Variants in LAMA1 observed in about 807,000 individuals in gnomAD.
LAMA1 encodes laminin subunit alpha-1.
Under a neutral mutation model 348.7 loss-of-function variants are expected in LAMA1, and 219 were observed. That is an observed-to-expected ratio of 0.63 (90% confidence interval 0.56 to 0.70). LAMA1 has a LOEUF of 0.70. Ranked by LOEUF, LAMA1 falls within the 30% of genes least tolerant of loss-of-function variation. The probability of loss-of-function intolerance (pLI) is 0.00; values close to 1 mark genes in which losing one functional copy is unlikely to be tolerated. For synonymous variants in LAMA1, 1,487 were observed against 1,491.0 expected (o/e 1.00, Z 0.06); for missense variants, 3,744 against 3,888.0 (o/e 0.96, Z 0.99).
intron 8 of LAMA1, chr18:7,042,508 C>G: frequency 2.4e-6 from 1 of 410,458 alleles, no homozygotes; most frequent in South Asian, 2.2e-5. Context: ...CAGCCCCCCT[C>G]GCGCTGCTGT....
chr18:7,069,662 G>A (rs1006754112), intron 3 of LAMA1, among the ~76,000 whole-genome samples: 11 of 152,084 alleles, frequency 7.2e-5, no homozygotes, highest in African/African-American at 9.7e-5. Context: ...CCTTAAAGTC[G>A]CCATGCTGTG....
At chr18:7,024,554 G>A in intron 17 of LAMA1, 88 bp from the exon 18 acceptor site, 1 of 1,080,324 alleles carries the variant, frequency 9.3e-7, no homozygotes, top group South Asian at 1.3e-5. Context: ...TACTACTCCT[G>A]TGCTTCCAGA....
In LAMA1 at chr18:7,007,269, G is replaced by T; in HGVS notation, c.4130C>A (p.Ala1377Asp). The change falls in exon 29 of 63, where the codon GCC becomes GAC. Residue 1377 changes from alanine (A) to aspartate (D), a missense_variant. By Grantham distance (126) the Ala-to-Asp change is moderately radical (BLOSUM62 -2). This residue lies in a region of LAMA1 where 1,983 missense variants were observed against 1,934.3 expected (regional missense o/e 1.03). Transcript: ENST00000389658. ...GAGCTTCCCTCTGTGGTACCCAGGG[G>T]CGCAGTCCTGAGGGGGTGCAAAAGG... is the stretch of plus-strand genomic sequence containing the variant. ...GTVGFSCQDC[A>D]PGYHRGKLPA... The T allele has an allele frequency of 1.2e-6, 2 of 1,613,938 alleles. No individual in the cohort carries two copies. Among genetic ancestry groups the T allele is most frequent in the Non-Finnish European group, 1.7e-6 (2 of 1,179,948 alleles).
intron 3 of LAMA1, among the ~76,000 whole-genome samples, chr18:7,056,135 C>T (rs868478108): frequency 2.2e-4 from 33 of 151,652 alleles, no homozygotes; most frequent in South Asian, 1.9e-3. Flanking sequence ...AGGAGGACAA[C>T]GGAGAACATC....
intron 3 of LAMA1, among the ~76,000 whole-genome samples, chr18:7,060,088 T>C (rs2143744962): frequency 6.6e-6 from 1 of 152,318 alleles, no homozygotes; most frequent in Admixed American, 6.5e-5. Context: ...ACTTAGTCAA[T>C]TATCAGCACG....
At chr18:7,001,690 T>C (rs982038689) in intron 30 of LAMA1, among the ~76,000 whole-genome samples, 2 of 152,236 alleles carry the variant, frequency 1.3e-5, no homozygotes, top group African/African-American at 4.8e-5. Context: ...ATATTATTGA[T>C]GAGTTATAAT....
Position 7,032,982 on chromosome 18 carries a change from A to T in LAMA1, c.2163+2T>A. ...AAAAAGACAGGAAGAGAGAAGCGTC[A>T]CCTCACAGGAGGTCCCTGTGTAGCC... On this transcript the variant is annotated splice_donor_variant, in intron 15 of 62. Transcript: ENST00000389658. LOFTEE classifies it high-confidence loss of function. The T allele has an allele frequency of 1.3e-6, 2 of 1,599,446 alleles. No individual in the cohort carries two copies. Among genetic ancestry groups the T allele is most frequent in the East Asian group, 4.5e-5 (2 of 44,416 alleles).
At chr18:7,043,007 G>A in intron 8 of LAMA1, 1 of 576,760 alleles carries the variant, frequency 1.7e-6, no homozygotes, top group African/African-American at 1.9e-5. Flanking sequence ...CATAGCTAAT[G>A]GACCCCTGAA....
intron 3 of LAMA1, among the ~76,000 whole-genome samples, chr18:7,070,584 G>T (rs953996639): frequency 6.6e-6 from 1 of 152,096 alleles, no homozygotes; most frequent in Non-Finnish European, 1.5e-5. Flanking sequence ...AATTAATGAG[G>T]TTTTACAAAA....
chr18:7,038,420 C>T (rs1232385014), intron 11 of LAMA1, among the ~76,000 whole-genome samples: 1 of 152,188 alleles, frequency 6.6e-6, no homozygotes, highest in Non-Finnish European at 1.5e-5. Context: ...CACTGGAGGG[C>T]CTCCTACTCC....
intron 28 of LAMA1, among the ~76,000 whole-genome samples, chr18:7,007,756 C>T (rs933997594): frequency 8.9e-5 from 13 of 146,794 alleles, no homozygotes; most frequent in Admixed American, 3.4e-4. Flanking sequence ...GACAGATTAA[C>T]GAATAAGCAA....
At chr18:7,034,941 A>T (rs1229138174) in intron 13 of LAMA1, among the ~76,000 whole-genome samples, 1 of 152,196 alleles carries the variant, frequency 6.6e-6, no homozygotes, top group Non-Finnish European at 1.5e-5. Context: ...GAAAAGAAAG[A>T]AAGTCGTGCA....
At position 6,953,130 on chromosome 18, in the gene LAMA1, T is replaced by A. The variant is rs547197227; in HGVS notation, c.8208-2159A>T. ...ACCATAGGAGCCATGTCTGCCTGTGTCCAGCGGATCCACGCCATGGGAGCC... is the reference window on the plus strand; with the variant it reads ...ACCATAGGAGCCATGTCTGCCTGTGACCAGCGGATCCACGCCATGGGAGCC... On this transcript the variant is annotated intron_variant, in intron 57 of 62. Coordinates refer to ENST00000389658, the MANE Select transcript of LAMA1 (RefSeq NM_005559.4). 4.6e-3 allele frequency among the ~76,000 whole-genome samples: 675 copies of A among 147,982 alleles called. 8 individuals carry two copies. Among genetic ancestry groups the A allele is most frequent in the African/African-American group, 0.017 (655 of 38,196 alleles).
At position 6,942,184 on chromosome 18, in the gene LAMA1, C is replaced by G; in HGVS notation, c.9123G>C (p.Arg3041Ser). The G allele has an allele frequency of 6.2e-7, 1 of 1,614,160 alleles. No homozygotes were observed. Among genetic ancestry groups the G allele is most frequent in the Non-Finnish European group, 8.5e-7 (1 of 1,180,048 alleles). Residue 3041 changes from arginine (R) to serine (S), a missense_variant, in exon 63 of 63, where the codon AGG (arginine) becomes AGC (serine). Arg to Ser is a moderately radical substitution (Grantham distance 110, BLOSUM62 -1). Transcript: ENST00000389658. ...RSQTSFRGCL[R>S]KLALIKSPQV... Reference sequence around the variant, plus strand: ...GCGGGCTCTTAATCAGAGCTAGCTTCCTCAAACACCCGCGGAACGAGGTCT... The same window carrying G: ...GCGGGCTCTTAATCAGAGCTAGCTTGCTCAAACACCCGCGGAACGAGGTCT...
intron 3 of LAMA1, among the ~76,000 whole-genome samples, chr18:7,073,794 G>C (rs1461253426): frequency 6.6e-6 from 1 of 151,792 alleles, no homozygotes; most frequent in African/African-American, 2.4e-5. Flanking sequence ...GTAATTCTAT[G>C]TTTATTTCTG....
In LAMA1 at chr18:6,950,849, A is replaced by G. The variant is rs1013262188; in HGVS notation, c.8330T>C (p.Phe2777Ser). 3.1e-6 allele frequency: 5 copies of G among 1,614,174 alleles called. No homozygotes were observed. Among genetic ancestry groups the G allele is most frequent in the Non-Finnish European group, 4.2e-6 (5 of 1,180,028 alleles). Reference sequence around the variant, plus strand: ...CTTTGTTCTGCCTTTGCCAAGGTCAAACATGAAGTGGAGGCGGCCCCCGTG... The same window carrying G: ...CTTTGTTCTGCCTTTGCCAAGGTCAGACATGAAGTGGAGGCGGCCCCCGTG... ...QLHGGRLHFM[F>S]DLGKGRTKVS... is the part of the protein sequence containing the mutation. The change falls in exon 58 of 63, where the codon TTT (phenylalanine) becomes TCT (serine). Residue 2777 changes from phenylalanine to serine, a missense_variant. By Grantham distance (155) the Phe-to-Ser change is radical (BLOSUM62 -2). Coordinates refer to ENST00000389658, the MANE Select transcript of LAMA1 (RefSeq NM_005559.4).
intron 1 of LAMA1, 26 bp from the exon 2 acceptor site, chr18:7,080,483 G>T (rs1340895828): frequency 6.2e-7 from 1 of 1,612,138 alleles, no homozygotes; most frequent in South Asian, 1.1e-5. Context: ...TACCAAATCA[G>T]CTGAGCCACT....
chr18:7,106,544 G>T (rs984823697), intron 1 of LAMA1, among the ~76,000 whole-genome samples: 1 of 152,020 alleles, frequency 6.6e-6, no homozygotes, highest in African/African-American at 2.4e-5. Flanking sequence ...ATTTTTAGTA[G>T]ATTCGGGGTT....
chr18:7,089,025 C>G (rs772945961), intron 1 of LAMA1, among the ~76,000 whole-genome samples: 48 of 151,584 alleles, frequency 3.2e-4, no homozygotes, highest in Non-Finnish European at 5.9e-4. Flanking sequence ...CAACAAAAAC[C>G]ATGCTGAGAA....
Sources: allele counts gnomAD v4.1 joint callset (sites outside exome capture counted in the v4.1 genomes callset), GRCh38; gene constraint gnomAD v4.1.1; regional missense constraint gnomAD v4.1.1; transcripts MANE v1.5; gene names NCBI Gene and HGNC (gene_info 2026-07-23, HGNC 2026-07-21).